Variants in RAB31 observed in about 807,000 individuals in gnomAD.
RAB31 encodes the protein ras-related protein Rab-31.
In RAB31, 21 loss-of-function variants were observed where a neutral mutation model predicts 25.6. The ratio of observed to expected loss-of-function variants is 0.82; its 90% CI spans 0.58 to 1.18. RAB31 has a LOEUF of 1.18. Ranked by LOEUF, RAB31 falls within the 50% of genes most tolerant of loss-of-function variation. RAB31 has a pLI of 0.00. For missense variants in RAB31, 196 were observed against 250.1 expected, an observed-to-expected ratio of 0.78 and a Z score of 1.46; for synonymous variants, 87 against 84.0, an observed-to-expected ratio of 1.04 and a Z score of -0.20.
At chr18:9,848,670 A>T (rs1444862875) in intron 6 of RAB31, among the ~76,000 whole-genome samples, 1 of 152,202 alleles carries the variant, frequency 6.6e-6, no homozygotes, top group Non-Finnish European at 1.5e-5. Context: ...GCTGACACCT[A>T]GGCTCCCCAA....
chr18:9,848,417 T>C (rs1345221201), intron 6 of RAB31, among the ~76,000 whole-genome samples: 1 of 152,212 alleles, frequency 6.6e-6, no homozygotes, highest in Non-Finnish European at 1.5e-5. Context: ...TCCGTCTGTC[T>C]GTCCATCTGT....
At chr18:9,792,450 T>C (rs2068465589) in intron 3 of RAB31, among the ~76,000 whole-genome samples, 1 of 152,146 alleles carries the variant, frequency 6.6e-6, no homozygotes, top group African/African-American at 2.4e-5. Flanking sequence ...CCCAAATGTG[T>C]TGTGAGAGGA....
At chr18:9,744,502 T>C (rs1302488988) in intron 1 of RAB31, among the ~76,000 whole-genome samples, 1 of 152,240 alleles carries the variant, frequency 6.6e-6, no homozygotes, top group African/African-American at 2.4e-5. Context: ...GTTCATTTTG[T>C]ATCTGTATGA....
chr18:9,793,009 G>C (rs2068469012), intron 3 of RAB31, among the ~76,000 whole-genome samples: 1 of 152,176 alleles, frequency 6.6e-6, no homozygotes. Context: ...CATGCCTTTA[G>C]ATTCAAAAAA....
chr18:9,726,517 A>T (rs1022924556), intron 1 of RAB31, among the ~76,000 whole-genome samples: 3 of 152,006 alleles, frequency 2.0e-5, no homozygotes, highest in African/African-American at 7.2e-5. Context: ...GGCATGTAAT[A>T]TTCAAGATAT....
intron 3 of RAB31, among the ~76,000 whole-genome samples, chr18:9,804,479 G>A (rs747321974): frequency 1.2e-4 from 18 of 152,078 alleles, no homozygotes; most frequent in Non-Finnish European, 2.2e-4. Context: ...AGTTTCAGGG[G>A]GTCTGGAGGT....
At chr18:9,820,175 C>A (rs2068617951) in intron 5 of RAB31, among the ~76,000 whole-genome samples, 1 of 152,076 alleles carries the variant, frequency 6.6e-6, no homozygotes. Flanking sequence ...ATCACACTAA[C>A]TGGTTTTACA....
chr18:9,846,241 G>A (rs955271316), intron 6 of RAB31, among the ~76,000 whole-genome samples: 2 of 152,198 alleles, frequency 1.3e-5, no homozygotes, highest in African/African-American at 4.8e-5. Flanking sequence ...TCCCAGTGCT[G>A]GGTCCCGTTA....
intron 5 of RAB31, among the ~76,000 whole-genome samples, chr18:9,835,619 A>T (rs1012922220): frequency 9.2e-5 from 14 of 152,222 alleles, no homozygotes; most frequent in African/African-American, 3.4e-4. Flanking sequence ...GGGAGCAGAA[A>T]TTCTTTGCTG....
chr18:9,776,001 GCTGGT>G (rs1468008424), intron 2 of RAB31, among the ~76,000 whole-genome samples: 29 of 152,204 alleles, frequency 1.9e-4, no homozygotes, highest in African/African-American at 6.7e-4. Context: ...TGTTGGTCAG[GCTGGT>G]CTTGAACTTC....
At chr18:9,777,816 G>A (rs2068380730) in intron 2 of RAB31, among the ~76,000 whole-genome samples, 1 of 140,550 alleles carries the variant, frequency 7.1e-6, no homozygotes, top group African/African-American at 2.7e-5. Flanking sequence ...GTGCAATGGT[G>A]TGATCTTGGC....
At chr18:9,803,465 T>C (rs1184159644) in intron 3 of RAB31, among the ~76,000 whole-genome samples, 1 of 152,174 alleles carries the variant, frequency 6.6e-6, no homozygotes, top group Non-Finnish European at 1.5e-5. Flanking sequence ...CTGGGATGAC[T>C]GTGCTTTCTA....
chr18:9,797,238 G>A (rs1027014496), intron 3 of RAB31: 1 of 152,172 alleles, frequency 6.6e-6, no homozygotes, highest in African/African-American at 2.4e-5. Context: ...GTATTGTTAT[G>A]TAAACTTAAA....
At chr18:9,744,897 A>C (rs2068197745) in intron 1 of RAB31, among the ~76,000 whole-genome samples, 1 of 152,172 alleles carries the variant, frequency 6.6e-6, no homozygotes, top group Non-Finnish European at 1.5e-5. Flanking sequence ...CCAATTTTAC[A>C]ACATAGGGAA....
intron 5 of RAB31, among the ~76,000 whole-genome samples, chr18:9,827,361 T>A (rs1251940616): frequency 6.6e-6 from 1 of 152,060 alleles, no homozygotes; most frequent in African/African-American, 2.4e-5. Context: ...AGTGGGAAGT[T>A]ACCCAACAAC....
chr18:9,737,740 G>A (rs1225241112), intron 1 of RAB31, among the ~76,000 whole-genome samples: 1 of 152,206 alleles, frequency 6.6e-6, no homozygotes, highest in African/African-American at 2.4e-5. Flanking sequence ...AGAGCAAATT[G>A]TCCTATGCCC....
At chr18:9,845,802 C>A in intron 6 of RAB31, 111 bp downstream of exon 6, 1 of 1,390,868 alleles carries the variant, frequency 7.2e-7, no homozygotes, top group Non-Finnish European at 9.3e-7. Context: ...GTGAATTTAT[C>A]GGATGCCATG....
intron 5 of RAB31, among the ~76,000 whole-genome samples, chr18:9,838,429 T>A (rs2068715658): frequency 6.6e-6 from 1 of 152,126 alleles, no homozygotes; most frequent in Non-Finnish European, 1.5e-5. Context: ...CCAGTAAACC[T>A]CCGTAGGGAA....
intron 3 of RAB31, among the ~76,000 whole-genome samples, chr18:9,810,549 A>G (rs1216443583): frequency 6.6e-6 from 1 of 152,216 alleles, no homozygotes; most frequent in Non-Finnish European, 1.5e-5. Context: ...GTCCCCAGCA[A>G]TAAAGTCATT....
Sources: allele counts gnomAD v4.1 joint callset (sites outside exome capture counted in the v4.1 genomes callset), GRCh38; gene constraint gnomAD v4.1.1; transcripts MANE v1.5; gene names NCBI Gene and HGNC (gene_info 2026-07-23, HGNC 2026-07-21).